The following CSMD1 variants were observed in gnomAD, a reference collection of about 807,000 sequenced individuals.
The protein encoded by CSMD1 is CUB and sushi domain-containing protein 1.
A neutral mutation model predicts 417.5 loss-of-function variants in CSMD1; 213 were observed. That is an observed-to-expected ratio of 0.51 (90% CI 0.46 to 0.57). CSMD1 has a LOEUF of 0.57. Ranked by LOEUF, CSMD1 falls within the 20% of genes least tolerant of loss-of-function variation. CSMD1 has a pLI of 0.00. For synonymous variants in CSMD1, 2,862 were observed against 1,736.8 expected (o/e 1.65, Z -16.11); for missense variants, 6,923 against 4,529.7 (o/e 1.53, Z -15.17).
chr8:4,207,016 A>G (rs1345098254), intron 3 of CSMD1, among the ~76,000 whole-genome samples: 4 of 152,198 alleles, frequency 2.6e-5, no homozygotes, highest in African/African-American at 4.8e-5. Flanking sequence ...ATAAGATCAC[A>G]TATTCCTCTT....
intron 6 of CSMD1, among the ~76,000 whole-genome samples, chr8:3,745,240 A>C (rs2084348072): frequency 6.6e-6 from 1 of 152,190 alleles, no homozygotes; most frequent in Admixed American, 6.5e-5. Flanking sequence ...CATGGTCAAA[A>C]GTTAACTACA....
At chr8:3,633,994 ATAAAATGTCTG>A (rs1796911755) in intron 7 of CSMD1, among the ~76,000 whole-genome samples, 2 of 152,122 alleles carry the variant, frequency 1.3e-5, no homozygotes, top group African/African-American at 4.8e-5. Context: ...TGACCCTTAT[ATAAAATGTCTG>A]TAAATGTTTT....
intron 15 of CSMD1, among the ~76,000 whole-genome samples, chr8:3,404,063 T>A (rs1473813270): frequency 6.6e-6 from 1 of 152,142 alleles, no homozygotes; most frequent in Admixed American, 6.5e-5. Context: ...TTACGTGTAG[T>A]ATTACCAGAC....
At chr8:3,221,683 C>T (rs968521786) in intron 28 of CSMD1, among the ~76,000 whole-genome samples, 14 of 152,112 alleles carry the variant, frequency 9.2e-5, no homozygotes, top group Middle Eastern at 6.8e-3. Context: ...CTACCTCTGC[C>T]AGCTGCACGT....
intron 5 of CSMD1, among the ~76,000 whole-genome samples, chr8:3,893,563 C>G (rs1406282229): frequency 1.3e-5 from 2 of 151,826 alleles, no homozygotes; most frequent in South Asian, 2.1e-4. Flanking sequence ...CGCCACTGCT[C>G]TACTTCCTCT....
At chr8:4,261,685 C>T (rs976916511) in intron 3 of CSMD1, among the ~76,000 whole-genome samples, 1 of 152,136 alleles carries the variant, frequency 6.6e-6, no homozygotes, top group Non-Finnish European at 1.5e-5. Context: ...GCTGGGACTA[C>T]AGGCATGAGT....
intron 2 of CSMD1, among the ~76,000 whole-genome samples, chr8:4,525,928 CA>C (rs897491889): frequency 2.2e-4 from 34 of 152,202 alleles, no homozygotes; most frequent in African/African-American, 7.9e-4. Context: ...CACCTGAGAC[CA>C]GGGGCAGAAT....
chr8:4,809,711 C>G (rs1385505505), intron 1 of CSMD1, among the ~76,000 whole-genome samples: 2 of 152,118 alleles, frequency 1.3e-5, no homozygotes, highest in African/African-American at 2.4e-5. Flanking sequence ...CTAGCATATC[C>G]AAAACATCTG....
intron 7 of CSMD1, among the ~76,000 whole-genome samples, chr8:3,697,259 C>T (rs1800605435): frequency 1.3e-5 from 2 of 152,288 alleles, no homozygotes; most frequent in South Asian, 2.1e-4. Flanking sequence ...TTCTGTAATT[C>T]TGTAAGCACT....
In CSMD1 at chr8:3,643,986, G is replaced by C. The variant is rs184185089; in HGVS notation, c.1010-27189C>G. Among the ~76,000 whole-genome samples the C allele has an allele frequency of 3.0e-4, 45 of 152,302 alleles. No homozygotes were observed. In the South Asian group the frequency reaches 3.9e-3, roughly 13 times the overall value. ...GACAATTCTAACAGAAGAGAACACG[G>C]TGAATTCATCGCTGTTGTTTCAAAA... On this transcript the variant is annotated intron_variant, in intron 7 of 69. Coordinates refer to ENST00000635120, the MANE Select transcript of CSMD1 (RefSeq NM_033225.6).
intron 3 of CSMD1, among the ~76,000 whole-genome samples, chr8:4,148,084 T>C (rs999489317): frequency 2.0e-5 from 3 of 152,140 alleles, no homozygotes; most frequent in African/African-American, 7.2e-5. Flanking sequence ...ACTTTTCTCT[T>C]GAAAAACATA....
chr8:3,551,935 A>C (rs116655353), intron 10 of CSMD1, among the ~76,000 whole-genome samples: 502 of 152,284 alleles, frequency 3.3e-3, no homozygotes, highest in African/African-American at 0.011. Flanking sequence ...GGTTTTAGCT[A>C]CTGAAAGATG....
At chr8:3,916,422 C>T (rs993352102) in intron 5 of CSMD1, among the ~76,000 whole-genome samples, 2 of 152,112 alleles carry the variant, frequency 1.3e-5, no homozygotes, top group African/African-American at 4.8e-5. Flanking sequence ...ACTGTCTTAA[C>T]AAATGACAAA....
intron 3 of CSMD1, among the ~76,000 whole-genome samples, chr8:4,356,376 A>T (rs1027645356): frequency 6.6e-6 from 1 of 152,040 alleles, no homozygotes; most frequent in East Asian, 1.9e-4. Context: ...TTGTTGATTT[A>T]TGGACATTTG....
chr8:4,521,967 C>T (rs922620727), intron 2 of CSMD1, among the ~76,000 whole-genome samples: 2 of 152,094 alleles, frequency 1.3e-5, no homozygotes, highest in Admixed American at 6.5e-5. Flanking sequence ...GATAGCCTGC[C>T]TTTTTGTATC....
chr8:3,760,721 T>C (rs189511911), intron 5 of CSMD1, among the ~76,000 whole-genome samples: 81 of 152,336 alleles, frequency 5.3e-4, no homozygotes, highest in African/African-American at 9.9e-4. Context: ...GTACTTCTCT[T>C]ACATTAAGCC....
intron 5 of CSMD1, among the ~76,000 whole-genome samples, chr8:3,889,610 C>T (rs942986180): frequency 2.7e-5 from 4 of 150,378 alleles, no homozygotes; most frequent in Non-Finnish European, 5.9e-5. Flanking sequence ...GTCATAAGTT[C>T]ACTCAGCTGA....
intron 26 of CSMD1, among the ~76,000 whole-genome samples, chr8:3,274,895 G>C (rs1563213512): frequency 1.3e-5 from 2 of 152,136 alleles, no homozygotes; most frequent in Non-Finnish European, 2.9e-5. Context: ...TTGCCAGTCT[G>C]TGTCTTTTAA....
At chr8:3,818,268 C>T (rs1156334107) in intron 5 of CSMD1, among the ~76,000 whole-genome samples, 3 of 152,102 alleles carry the variant, frequency 2.0e-5, no homozygotes, top group African/African-American at 7.2e-5. Flanking sequence ...GTGCTTCACC[C>T]TCTCTATTCA....
Sources: gnomAD v4.1 joint callset for allele counts (sites outside exome capture counted in the v4.1 genomes callset) on GRCh38, gnomAD v4.1.1 for gene constraint, MANE v1.5 for transcripts, NCBI Gene and HGNC (gene_info 2026-07-23, HGNC 2026-07-21) for gene names.